The following DNAH6 variants were observed in gnomAD, a reference collection of about 807,000 sequenced individuals.
The protein encoded by DNAH6 is axonemal beta dynein heavy chain 6.
In DNAH6, 340 loss-of-function variants were observed where a neutral mutation model predicts 491.4. The ratio of observed to expected loss-of-function variants is 0.69; its 90% CI spans 0.63 to 0.76. The LOEUF (loss-of-function observed/expected upper bound fraction) is 0.76. Ranked by LOEUF, DNAH6 falls within the 30% of genes least tolerant of loss-of-function variation. The pLI, the probability that DNAH6 is intolerant of heterozygous loss-of-function variation, is 0.00. For missense variants in DNAH6, 4,443 were observed against 4,972.2 expected (o/e 0.89, Z 3.20); for synonymous variants, 1,603 against 1,686.1 (o/e 0.95, Z 1.21).
chr2:84,638,917 G>A (rs969308819), intron 31 of DNAH6, among the ~76,000 whole-genome samples: 1 of 152,066 alleles, frequency 6.6e-6, no homozygotes, highest in East Asian at 1.9e-4. Context: ...GTGAGGGGGT[G>A]CCTCACACTT....
chr2:84,471,429 T>C, the DNAH6 span, among the ~76,000 whole-genome samples: 4 of 152,090 alleles, frequency 2.6e-5, no homozygotes, highest in Admixed American at 2.6e-4. Flanking sequence ...ATCCTAGGAG[T>C]TGCAGAAGGA....
chr2:84,508,071 A>G, the DNAH6 span, among the ~76,000 whole-genome samples: 2 of 152,168 alleles, frequency 1.3e-5, no homozygotes, highest in South Asian at 2.1e-4. Flanking sequence ...TCAGGATGAT[A>G]CTGGCCTCAT....
intron 12 of DNAH6, 124 bp from the exon 13 acceptor site, chr2:84,577,133 C>T (rs1307166187): frequency 3.8e-6 from 2 of 520,906 alleles, no homozygotes; most frequent in African/African-American, 2.0e-5. Context: ...ACTCTAAGTA[C>T]AGATAATAAC....
In DNAH6 at chr2:84,653,478, G is replaced by A; in HGVS notation, c.5238G>A (p.Arg1746=). The change falls in exon 34 of 77, where the codon AGG becomes AGA. Residue 1746 remains arginine, a synonymous_variant. Transcript: ENST00000389394. The part of the protein sequence containing the change: ...VIQFYETMLV[R]HGVMLVGPTG... ...AGTTTTATGAAACTATGCTAGTAAG[G>A]CATGGTGTTATGTTAGTCGGGCCAA... 3.2e-6 allele frequency: 5 copies of A among 1,551,234 alleles called. No homozygotes were observed. Among genetic ancestry groups the A allele is most frequent in the Non-Finnish European group, 4.4e-6 (5 of 1,146,664 alleles).
chr2:84,600,970 A>ATAT (rs920766190), intron 18 of DNAH6, among the ~76,000 whole-genome samples: 17 of 140,830 alleles, frequency 1.2e-4, no homozygotes, highest in African/African-American at 5.0e-4. Flanking sequence ...TAATAACACT[A>ATAT]TATTATTATT....
In DNAH6 at chr2:84,619,624, A is replaced by C; in HGVS notation, c.3573-61A>C. On this transcript the variant is annotated intron_variant, in intron 23 of 76. Coordinates refer to ENST00000389394, the MANE Select transcript of DNAH6 (RefSeq NM_001370.2). ...GATGTGGCTAAGGAATTTATCTTTT[A>C]TGTCTGTCTAAGACTTTACTTCCAT... is the stretch of plus-strand genomic sequence containing the variant. 3 of 1,428,480 alleles carry C rather than the reference A, an allele frequency of 2.1e-6. No homozygotes were observed. In the Admixed American group the frequency reaches 6.0e-5, roughly 28 times the overall value. 88.5% of individuals were successfully genotyped at this position (1,428,480 alleles called of 1,614,324 possible).
At chr2:84,478,393 C>G in the DNAH6 span, among the ~76,000 whole-genome samples, 1 of 152,086 alleles carries the variant, frequency 6.6e-6, no homozygotes, top group Admixed American at 6.5e-5. Flanking sequence ...GGTTGCCTTT[C>G]CCAAAAAATG....
intron 59 of DNAH6, 93 bp from the exon 60 acceptor site, chr2:84,722,532 A>G: frequency 9.1e-7 from 1 of 1,101,500 alleles, no homozygotes; most frequent in East Asian, 2.8e-5. Context: ...TTCTATCCTT[A>G]TTTCTTCCCT....
intron 70 of DNAH6, among the ~76,000 whole-genome samples, chr2:84,799,771 G>A (rs555685930): frequency 1.3e-5 from 2 of 152,342 alleles, no homozygotes; most frequent in East Asian, 3.9e-4. Context: ...AAATGGGGGT[G>A]TGATGCCAGC....
chr2:84,683,379 C>CCCAT (rs1442205387), intron 42 of DNAH6, among the ~76,000 whole-genome samples: 1 of 151,114 alleles, frequency 6.6e-6, no homozygotes, highest in African/African-American at 2.4e-5. Flanking sequence ...TCCCTGACTC[C>CCCAT]CCATCCAGTG....
chr2:84,657,049 G>T (rs1691046099), intron 35 of DNAH6, among the ~76,000 whole-genome samples: 1 of 151,966 alleles, frequency 6.6e-6, no homozygotes, highest in Non-Finnish European at 1.5e-5. Flanking sequence ...TTTTGCATGT[G>T]TATATCCAGT....
In DNAH6 at chr2:84,738,934, G is replaced by A. The variant is rs562214381; in HGVS notation, c.10342+5355G>A. Reference sequence around the variant, plus strand: ...GTATAGTTGCTTTATGGGTACTGTGGGCTATGTGCTTTCATGTGCTTTCAT... The same window carrying A: ...GTATAGTTGCTTTATGGGTACTGTGAGCTATGTGCTTTCATGTGCTTTCAT... On this transcript the variant is annotated intron_variant, in intron 62 of 76. Transcript: ENST00000389394. Among the ~76,000 whole-genome samples the A allele has an allele frequency of 6.6e-5, 10 of 152,210 alleles. No homozygotes were observed. The East Asian group carries it at 1.9e-3, about 29-fold the overall frequency.
At chr2:84,691,757 TATC>T (rs754023839) in intron 45 of DNAH6, among the ~76,000 whole-genome samples, 5 of 152,236 alleles carry the variant, frequency 3.3e-5, no homozygotes, top group African/African-American at 7.2e-5. Flanking sequence ...GATTTTCACA[TATC>T]ATGAAATATT....
chr2:84,693,517 G>A (rs778299717), intron 45 of DNAH6, among the ~76,000 whole-genome samples: 3 of 152,142 alleles, frequency 2.0e-5, no homozygotes, highest in Admixed American at 2.0e-4. Flanking sequence ...GCCAAGGCAG[G>A]CGAATCATGA....
chr2:84,713,403 C>CT (rs1697237004), intron 57 of DNAH6, 144 bp downstream of exon 57: 1 of 772,472 alleles, frequency 1.3e-6, no homozygotes, highest in South Asian at 2.0e-5. Context: ...CTTCCACCAT[C>CT]TTCCATTCTT....
At chr2:84,676,325 G>C (rs1693232472) in intron 40 of DNAH6, among the ~76,000 whole-genome samples, 1 of 152,164 alleles carries the variant, frequency 6.6e-6, no homozygotes, top group Non-Finnish European at 1.5e-5. Context: ...TGTGCCTTCT[G>C]TTGGTGATTT....
chr2:84,808,785 C>T (rs569028688), intron 72 of DNAH6, among the ~76,000 whole-genome samples: 2 of 152,172 alleles, frequency 1.3e-5, no homozygotes, highest in African/African-American at 2.4e-5. Context: ...TATCCTTACA[C>T]CCTTAGATTC....
the DNAH6 span, among the ~76,000 whole-genome samples, chr2:84,476,735 T>G: frequency 2.4e-3 from 368 of 152,316 alleles, 1 homozygote; most frequent in Non-Finnish European, 4.0e-3. Context: ...TCCAACTCCA[T>G]AGTCCCTCGT....
At chr2:84,615,777 T>C (rs918313976) in intron 22 of DNAH6, among the ~76,000 whole-genome samples, 1 of 117,614 alleles carries the variant, frequency 8.5e-6, no homozygotes, top group Non-Finnish European at 1.7e-5. Context: ...TTTCTAAGTA[T>C]TTTTTTTTTG....
Sources: gnomAD v4.1 joint callset for allele counts (sites outside exome capture counted in the v4.1 genomes callset) on GRCh38, gnomAD v4.1.1 for gene constraint, MANE v1.5 for transcripts, NCBI Gene and HGNC (gene_info 2026-07-23, HGNC 2026-07-21) for gene names.